GABRB1: variants seen among roughly 807,000 people sequenced by gnomAD.
GABRB1 encodes gamma-aminobutyric acid receptor subunit beta-1.
Under a neutral mutation model 51.6 loss-of-function variants are expected in GABRB1, and 17 were observed. That is an observed-to-expected ratio of 0.33 (90% CI 0.23 to 0.49). The LOEUF is 0.49. Among genes scored for constraint, GABRB1 ranks in the 20% least tolerant of loss-of-function variants. The probability of loss-of-function intolerance (pLI) is 0.99; values close to 1 mark genes in which losing one functional copy is unlikely to be tolerated. For missense variants in GABRB1, 410 were observed against 600.6 expected (o/e 0.68, Z 3.32); for synonymous variants, 247 against 218.9 (o/e 1.13, Z -1.14).
chr4:47,311,918 T>C (rs1337649783), intron 4 of GABRB1, among the ~76,000 whole-genome samples: 1 of 152,166 alleles, frequency 6.6e-6, no homozygotes, highest in Non-Finnish European at 1.5e-5. Flanking sequence ...AGGGCTTATG[T>C]AATCTCTGGC....
chr4:47,413,127 C>T (rs953594564), intron 8 of GABRB1, among the ~76,000 whole-genome samples: 8 of 152,208 alleles, frequency 5.3e-5, no homozygotes, highest in African/African-American at 1.9e-4. Context: ...ATGTCTACAG[C>T]TTGATTTTTC....
At chr4:47,054,503 A>G (rs1726503487) in intron 3 of GABRB1, among the ~76,000 whole-genome samples, 1 of 152,218 alleles carries the variant, frequency 6.6e-6, no homozygotes, top group South Asian at 2.1e-4. Flanking sequence ...ATCAATGGGT[A>G]ATGCCTGCCT....
intron 3 of GABRB1, among the ~76,000 whole-genome samples, chr4:47,041,550 A>G (rs1725838064): frequency 6.6e-6 from 1 of 152,074 alleles, no homozygotes; most frequent in South Asian, 2.1e-4. Context: ...TGCTAAATGG[A>G]TTAATCAGAG....
chr4:47,268,281 A>T lies in GABRB1; in HGVS notation c.462-51846A>T, dbSNP rs1156527386. On this transcript the variant is annotated intron_variant, in intron 4 of 8. Transcript: ENST00000295454. Reference sequence around the variant, plus strand: ...AAATAGTAAACTCACTCTGGATTTAATTGAATTGTTAGACACCCTGTTGAT... The same window carrying T: ...AAATAGTAAACTCACTCTGGATTTATTTGAATTGTTAGACACCCTGTTGAT... Among the ~76,000 whole-genome samples the T allele has an allele frequency of 3.9e-5, 6 of 152,336 alleles. No individual in the cohort carries two copies. The East Asian group carries it at 1.2e-3, about 29-fold the overall frequency.
At position 47,337,541 on chromosome 4, in the gene GABRB1, A is replaced by T. The variant is rs189930921; in HGVS notation, c.544+17332A>T. On this transcript the variant is annotated intron_variant, in intron 5 of 8. Transcript: ENST00000295454. ...TAGATCTGGCCGGACACAGTGGCTC[A>T]CACCTATAATTCCTGCGCTTTGGGA... Among the ~76,000 whole-genome samples the T allele has an allele frequency of 6.6e-5, 10 of 152,190 alleles. No homozygotes were observed. In the East Asian group the frequency reaches 1.9e-3, roughly 29 times the overall value.
intron 4 of GABRB1, among the ~76,000 whole-genome samples, chr4:47,204,166 T>G (rs964007750): frequency 6.6e-6 from 1 of 152,190 alleles, no homozygotes; most frequent in African/African-American, 2.4e-5. Flanking sequence ...GCTTACATGA[T>G]TCGTGTTCTA....
intron 4 of GABRB1, among the ~76,000 whole-genome samples, chr4:47,274,420 C>T (rs1385403420): frequency 6.6e-6 from 1 of 152,100 alleles, no homozygotes; most frequent in Admixed American, 6.6e-5. Context: ...TGGAATCTCA[C>T]AATTATTTTA....
intron 8 of GABRB1, among the ~76,000 whole-genome samples, chr4:47,421,570 A>C (rs1222381879): frequency 1.3e-5 from 2 of 152,126 alleles, no homozygotes; most frequent in Non-Finnish European, 2.9e-5. Context: ...CCATTTATAG[A>C]TAAGGGATCT....
chr4:47,075,142 CT>C (rs376544692), intron 3 of GABRB1, among the ~76,000 whole-genome samples: 4 of 152,120 alleles, frequency 2.6e-5, no homozygotes, highest in African/African-American at 9.7e-5. Flanking sequence ...AGCAGAAAAG[CT>C]GCTGGAAATG....
Position 47,032,419 on chromosome 4 carries a change from C to G in GABRB1, c.175C>G (p.Pro59Ala). ...AATGTGGCCCACCTCCCCGGCAGGGCCCCCCGTCGACGTTGGGATGCGGAT... is the reference window on the plus strand; with the variant it reads ...AATGTGGCCCACCTCCCCGGCAGGGGCCCCCGTCGACGTTGGGATGCGGAT... Reference protein sequence around the residue: ...DIRLRPDFGGPPVDVGMRIDV... With the variant: ...DIRLRPDFGGAPVDVGMRIDV... Residue 59 changes from proline to alanine, a missense_variant and splice_region_variant, in exon 3 of 9, where the codon CCC (proline) becomes GCC (alanine). Around this residue, in one of 5 missense-constraint regions of GABRB1, gnomAD observed 100 missense variants for 184.3 expected, o/e 0.54. Transcript: ENST00000295454. The G allele has an allele frequency of 6.3e-7, 1 of 1,584,086 alleles. No homozygotes were observed. The highest frequency in any genetic ancestry group is 8.6e-7 in the Non-Finnish European group (1 of 1,161,996).
chr4:47,271,179 G>A (rs1488559718), intron 4 of GABRB1, among the ~76,000 whole-genome samples: 1 of 152,088 alleles, frequency 6.6e-6, no homozygotes, highest in Non-Finnish European at 1.5e-5. Flanking sequence ...AGCCCTGAGA[G>A]CCTACCCATT....
chr4:47,288,019 A>G (rs548418979), intron 4 of GABRB1, among the ~76,000 whole-genome samples: 1 of 152,188 alleles, frequency 6.6e-6, no homozygotes, highest in East Asian at 1.9e-4. Context: ...AGGCAGAGGC[A>G]CTAAACTACA....
At chr4:47,406,636 C>T in intron 7 of GABRB1, 46 bp from the exon 8 acceptor site, 1 of 1,611,020 alleles carries the variant, frequency 6.2e-7, no homozygotes, top group Non-Finnish European at 8.5e-7. Flanking sequence ...GAAAAAGGAA[C>T]TTAATAGTGG....
chr4:47,253,098 A>G (rs1226695974), intron 4 of GABRB1, among the ~76,000 whole-genome samples: 1 of 152,184 alleles, frequency 6.6e-6, no homozygotes, highest in Non-Finnish European at 1.5e-5. Context: ...AGCCTGCCCA[A>G]TGTCACACCT....
chr4:47,383,960 T>C (rs1199395342), intron 5 of GABRB1, among the ~76,000 whole-genome samples: 5 of 152,104 alleles, frequency 3.3e-5, no homozygotes, highest in South Asian at 2.1e-4. Context: ...AAAACTCCTG[T>C]AACTAAAGGA....
rs369720355 is a variant in GABRB1 at position 47,412,005 on chromosome 4, G to A, written c.1080+5079G>A. Among the ~76,000 whole-genome samples the A allele has an allele frequency of 4.6e-5, 7 of 152,274 alleles. No individual in the cohort carries two copies. The South Asian group carries it at 1.5e-3, about 32-fold the overall frequency. On this transcript the variant is annotated intron_variant, in intron 8 of 8. Transcript: ENST00000295454. ...TTCTCTCAATTTCTCAATTGTAGCA[G>A]TTCTTACCATAAATGCTACTACTTT... is the stretch of plus-strand genomic sequence containing the variant.
intron 3 of GABRB1, among the ~76,000 whole-genome samples, chr4:47,069,944 C>T (rs563877489): frequency 6.6e-6 from 1 of 152,156 alleles, no homozygotes; most frequent in African/African-American, 2.4e-5. Flanking sequence ...ATAAAGACCC[C>T]CATGTTGCTA....
At chr4:47,261,505 A>G (rs1027194389) in intron 4 of GABRB1, among the ~76,000 whole-genome samples, 1 of 152,204 alleles carries the variant, frequency 6.6e-6, no homozygotes, top group Non-Finnish European at 1.5e-5. Flanking sequence ...GGACCTCTTC[A>G]AGGAGAACTA....
chr4:46,999,366 G>A (rs1387360091), intron 1 of GABRB1, among the ~76,000 whole-genome samples: 1 of 152,116 alleles, frequency 6.6e-6, no homozygotes, highest in Non-Finnish European at 1.5e-5. Flanking sequence ...CATACCATAT[G>A]ACCAAACCAT....
Sources: gnomAD v4.1 joint callset for allele counts (sites outside exome capture counted in the v4.1 genomes callset) on GRCh38, gnomAD v4.1.1 for gene constraint, gnomAD v4.1.1 regional missense constraint, MANE v1.5 for transcripts, NCBI Gene and HGNC (gene_info 2026-07-23, HGNC 2026-07-21) for gene names.